The following NCALD variants were observed in gnomAD, a reference collection of about 807,000 sequenced individuals.
NCALD encodes the protein neurocalcin-delta.
NCALD carries 10 observed loss-of-function variants against 18.6 expected under a neutral mutation model. That is an observed-to-expected ratio of 0.54 (90% CI 0.33 to 0.91). The LOEUF is 0.91. Among genes scored for constraint, NCALD ranks in the 40% least tolerant of loss-of-function variants. The pLI, the probability that NCALD is intolerant of heterozygous loss-of-function variation, is 0.03. For synonymous variants in NCALD, 88 were observed against 87.4 expected, an observed-to-expected ratio of 1.01 and a Z score of -0.04; for missense variants, 184 against 247.6, an observed-to-expected ratio of 0.74 and a Z score of 1.72.
intron 2 of NCALD, among the ~76,000 whole-genome samples, chr8:101,955,782 T>C (rs537047497): frequency 6.7e-4 from 102 of 152,328 alleles, no homozygotes; most frequent in African/African-American, 2.4e-3. Context: ...TTATAGAAGA[T>C]ATTGAGACAA....
chr8:101,856,721 T>C (rs1046681518), intron 4 of NCALD, among the ~76,000 whole-genome samples: 3 of 152,124 alleles, frequency 2.0e-5, no homozygotes, highest in African/African-American at 7.2e-5. Flanking sequence ...ACCAGGCTCA[T>C]CCTACTTACC....
At chr8:101,822,465 TCC>T (rs1813760616) in intron 4 of NCALD, among the ~76,000 whole-genome samples, 1 of 152,092 alleles carries the variant, frequency 6.6e-6, no homozygotes, top group African/African-American at 2.4e-5. Flanking sequence ...CAAGCTACAT[TCC>T]CCAGAATCCT....
intron 2 of NCALD, among the ~76,000 whole-genome samples, chr8:101,710,402 C>G (rs1192153834): frequency 6.6e-6 from 1 of 152,112 alleles, no homozygotes; most frequent in Non-Finnish European, 1.5e-5. Context: ...GCCTGGAACA[C>G]CAGCGAGGCA....
intron 2 of NCALD, among the ~76,000 whole-genome samples, chr8:101,950,680 T>TCC (rs929237692): frequency 5.3e-5 from 8 of 152,096 alleles, no homozygotes. Context: ...AGACATTGTG[T>TCC]CCCCCCACTT....
At chr8:101,956,787 C>A (rs1171968889) in intron 2 of NCALD, among the ~76,000 whole-genome samples, 1 of 152,184 alleles carries the variant, frequency 6.6e-6, no homozygotes, top group Non-Finnish European at 1.5e-5. Context: ...GAACACCCTT[C>A]ATAAGGCTGA....
intron 2 of NCALD, among the ~76,000 whole-genome samples, chr8:102,011,668 C>A (rs1821908188): frequency 6.6e-6 from 1 of 152,046 alleles, no homozygotes; most frequent in Non-Finnish European, 1.5e-5. Flanking sequence ...CAAAATAATT[C>A]AAATTATTGA....
intron 2 of NCALD, among the ~76,000 whole-genome samples, chr8:101,704,479 C>T (rs945302531): frequency 6.6e-6 from 1 of 152,094 alleles, no homozygotes; most frequent in African/African-American, 2.4e-5. Context: ...TGAGAGGCCG[C>T]GGTGACTTCT....
At chr8:101,822,787 C>T (rs118107249) in intron 4 of NCALD, among the ~76,000 whole-genome samples, 2 of 152,204 alleles carry the variant, frequency 1.3e-5, no homozygotes, top group Admixed American at 6.5e-5. Flanking sequence ...TGCTGGCCCC[C>T]CTCTGCCCTT....
At chr8:101,720,794 T>C (rs1234745304) in intron 1 of NCALD, among the ~76,000 whole-genome samples, 2 of 152,244 alleles carry the variant, frequency 1.3e-5, no homozygotes, top group African/African-American at 4.8e-5. Flanking sequence ...TTCTCATTTA[T>C]AGTGCTTTTG....
intron 1 of NCALD, among the ~76,000 whole-genome samples, chr8:101,781,595 C>A (rs1429335937): frequency 6.6e-6 from 1 of 152,252 alleles, no homozygotes; most frequent in East Asian, 1.9e-4. Context: ...ATAAATGACT[C>A]AACTGGTTTA....
At chr8:101,828,591 A>C in intron 4 of NCALD, among the ~76,000 whole-genome samples, 1 of 146,960 alleles carries the variant, frequency 6.8e-6, no homozygotes, top group South Asian at 2.1e-4. Context: ...ATTTATCACC[A>C]CAAACTTATA....
chr8:101,843,667 C>A (rs1037229564), intron 4 of NCALD, among the ~76,000 whole-genome samples: 1 of 144,840 alleles, frequency 6.9e-6, no homozygotes, highest in Non-Finnish European at 1.5e-5. Flanking sequence ...ACTTCCACCT[C>A]CTGGGTTCAA....
At chr8:101,995,746 T>A (rs12550233) in intron 2 of NCALD, among the ~76,000 whole-genome samples, 33,241 of 152,064 alleles carry the variant, frequency 0.22, 5,017 homozygotes, top group African/African-American at 0.42. Flanking sequence ...GGTGGAGACA[T>A]ATATCCAAAC....
chr8:102,009,306 T>C (rs899535873), intron 2 of NCALD, among the ~76,000 whole-genome samples: 1 of 152,254 alleles, frequency 6.6e-6, no homozygotes, highest in African/African-American at 2.4e-5. Flanking sequence ...ATTTAAGCTC[T>C]GTTGCTTTAG....
chr8:101,943,322 T>C (rs1411127725), intron 2 of NCALD, among the ~76,000 whole-genome samples: 1 of 152,220 alleles, frequency 6.6e-6, no homozygotes, highest in Admixed American at 6.5e-5. Flanking sequence ...AACTCAACTT[T>C]TAGCATAATC....
At chr8:101,888,861 G>A (rs953123110) in intron 3 of NCALD, among the ~76,000 whole-genome samples, 1 of 152,166 alleles carries the variant, frequency 6.6e-6, no homozygotes, top group African/African-American at 2.4e-5. Flanking sequence ...TGTCAGCAGT[G>A]GGCAGGCATC....
At chr8:101,795,206 G>T (rs1277023528), upstream of NCALD, among the ~76,000 whole-genome samples, 2 of 152,102 alleles carry the variant, frequency 1.3e-5, no homozygotes, top group Non-Finnish European at 2.9e-5. Flanking sequence ...AACAAAAATA[G>T]CTAGCTAGAT....
chr8:102,009,084 C>T (rs967238782), intron 2 of NCALD, among the ~76,000 whole-genome samples: 15 of 152,226 alleles, frequency 9.9e-5, no homozygotes, highest in South Asian at 2.1e-4. Context: ...CTCTGCCTCA[C>T]GGCATTGTTA....
At chr8:102,005,766 C>T (rs1217239749) in intron 2 of NCALD, among the ~76,000 whole-genome samples, 1 of 151,344 alleles carries the variant, frequency 6.6e-6, no homozygotes, top group African/African-American at 2.4e-5. Flanking sequence ...TCTCAGCAAA[C>T]TATCGCAAGG....
Sources: allele counts gnomAD v4.1 joint callset (sites outside exome capture counted in the v4.1 genomes callset), GRCh38; gene constraint gnomAD v4.1.1; transcripts MANE v1.5; gene names NCBI Gene and HGNC (gene_info 2026-07-23, HGNC 2026-07-21).